Variants in CHL1 observed in about 807,000 individuals in gnomAD.
CHL1 encodes neural cell adhesion molecule L1-like protein.
Under a neutral mutation model 141.9 loss-of-function variants are expected in CHL1, and 96 were observed. The observed-to-expected ratio is 0.68, with a 90% CI of 0.57 to 0.80. CHL1 has a LOEUF of 0.80. Among genes scored for constraint, CHL1 ranks in the 30% least tolerant of loss-of-function variants. CHL1 has a pLI of 0.00. For synonymous variants in CHL1, 613 were observed against 502.2 expected (o/e 1.22, Z -2.95); for missense variants, 1,820 against 1,457.2 (o/e 1.25, Z -4.05).
rs1041559470 is a variant in CHL1, at chr3:407,210, G to A, written c.*1499G>A. 6.6e-6 allele frequency: 1 copy of A among 152,072 alleles called. No homozygotes were observed. The highest frequency in any genetic ancestry group is 2.4e-5 in the African/African-American group (1 of 41,418). 9.4% of individuals were successfully genotyped at this position (152,072 alleles called of 1,614,324 possible). A position where few individuals can be genotyped will look rare whatever the true frequency, so the allele number is the denominator to read the frequency against. On this transcript the variant is annotated 3_prime_UTR_variant, in exon 28 of 28. Transcript: ENST00000256509. Reference sequence around the variant, plus strand: ...CACGAAATACTTAACTACTGTTTAAGTGAATTGACTTATTTCACTTTAGTT... The same window carrying A: ...CACGAAATACTTAACTACTGTTTAAATGAATTGACTTATTTCACTTTAGTT...
intron 2 of CHL1, among the ~76,000 whole-genome samples, chr3:262,469 T>C (rs6801122): frequency 1.5e-4 from 16 of 105,334 alleles, no homozygotes; most frequent in Non-Finnish European, 2.1e-4. Context: ...CGTTTAAGCC[T>C]AGATCTACAC....
intron 5 of CHL1, among the ~76,000 whole-genome samples, chr3:335,298 T>C (rs996537390): frequency 3.3e-5 from 5 of 152,258 alleles, no homozygotes; most frequent in African/African-American, 9.6e-5. Flanking sequence ...TTTACTCTGA[T>C]TCACCAAAGT....
chr3:287,607 G>T (rs185175206), intron 2 of CHL1, among the ~76,000 whole-genome samples: 1 of 151,844 alleles, frequency 6.6e-6, no homozygotes, highest in African/African-American at 2.4e-5. Context: ...AACTCTTTAG[G>T]TAATATTTAC....
intron 2 of CHL1, among the ~76,000 whole-genome samples, chr3:260,263 CAAAT>C (rs58225264): frequency 6.6e-6 from 1 of 151,344 alleles, no homozygotes; most frequent in African/African-American, 2.4e-5. Context: ...AACTCTGTCT[CAAAT>C]AAATAAATAA....
At chr3:209,825 A>G (rs1699753831) in intron 1 of CHL1, among the ~76,000 whole-genome samples, 1 of 152,244 alleles carries the variant, frequency 6.6e-6, no homozygotes, top group Non-Finnish European at 1.5e-5. Flanking sequence ...GCAATGCACT[A>G]ATAATGATCC....
At position 343,107 on chromosome 3, in the gene CHL1, A is replaced by G. The variant is rs1702469299; in HGVS notation, c.727+76A>G. 8.6e-6 allele frequency: 10 copies of G among 1,159,308 alleles called. No homozygotes were observed. In the South Asian group the frequency reaches 1.5e-4, roughly 17 times the overall value. The allele number at this position is 1,159,308 out of a possible 1,614,324, so 71.8% of individuals were successfully genotyped here. On this transcript the variant is annotated intron_variant, in intron 8 of 27. Transcript: ENST00000256509. The stretch of plus-strand genomic sequence containing the variant: ...TCTCAGATTTTGAATTTTTTCTTTA[A>G]TATCCTCTTAAGTTTATTACAATAC...
At position 328,305 on chromosome 3, in the gene CHL1, A is replaced by G; in HGVS notation, c.336A>G (p.Ser112=). Residue 112 remains serine (S), a synonymous_variant, in exon 5 of 28, where the codon TCA becomes TCG. Coordinates refer to ENST00000256509, the MANE Select transcript of CHL1 (RefSeq NM_006614.4). ...AAGGGAAATACCGCTGCTTTGCTTC[A>G]AATAAACTGGGAATCGCTATGTCAG... ...HFQGKYRCFA[S]NKLGIAMSEE... 3 of 1,612,280 alleles carry G rather than the reference A, an allele frequency of 1.9e-6. No individual in the cohort carries two copies. Among genetic ancestry groups the G allele is most frequent in the Non-Finnish European group, 2.5e-6 (3 of 1,178,902 alleles).
chr3:340,642 T>G, intron 5 of CHL1, 152 bp from the exon 6 acceptor site: 1 of 635,358 alleles, frequency 1.6e-6, no homozygotes, highest in South Asian at 2.2e-5. Context: ...TTAATAGTAT[T>G]TAACTCTGAA....
intron 2 of CHL1, among the ~76,000 whole-genome samples, chr3:272,792 A>G (rs1024806069): frequency 2.0e-5 from 3 of 152,220 alleles, no homozygotes; most frequent in African/African-American, 7.2e-5. Context: ...CCTTTTATTC[A>G]TTCAGTCTTT....
At chr3:202,071 A>G (rs760057950) in intron 1 of CHL1, among the ~76,000 whole-genome samples, 15 of 152,194 alleles carry the variant, frequency 9.9e-5, no homozygotes, top group Non-Finnish European at 2.2e-4. Flanking sequence ...AGGGTTCAAA[A>G]TCTAAGTCTG....
intron 6 of CHL1, among the ~76,000 whole-genome samples, chr3:341,199 C>G (rs981835499): frequency 6.6e-6 from 1 of 152,092 alleles, no homozygotes; most frequent in Non-Finnish European, 1.5e-5. Context: ...GCTCTACCTG[C>G]TAATTGCAGT....
At chr3:219,556 G>A (rs879642745) in intron 1 of CHL1, among the ~76,000 whole-genome samples, 3 of 152,162 alleles carry the variant, frequency 2.0e-5, no homozygotes, top group Non-Finnish European at 4.4e-5. Flanking sequence ...GATGGAGCTG[G>A]AGGCTATTAT....
intron 2 of CHL1, among the ~76,000 whole-genome samples, chr3:276,070 G>T (rs9873092): frequency 0.15 from 22,183 of 151,504 alleles, 2,225 homozygotes; most frequent in East Asian, 0.4. Context: ...CTCTAAAGTC[G>T]AAATTATTAT....
At chr3:335,160 G>A (rs1446531300) in intron 5 of CHL1, among the ~76,000 whole-genome samples, 1 of 152,118 alleles carries the variant, frequency 6.6e-6, no homozygotes, top group Admixed American at 6.5e-5. Flanking sequence ...TTTTGGAGGG[G>A]GAGTGTAGGA....
chr3:313,378 C>T (rs1575038605), intron 2 of CHL1, among the ~76,000 whole-genome samples: 1 of 152,166 alleles, frequency 6.6e-6, no homozygotes, highest in East Asian at 1.9e-4. Context: ...CCATGTATCA[C>T]ACTCATCAGA....
chr3:305,096 A>C (rs534232171), intron 2 of CHL1, among the ~76,000 whole-genome samples: 1 of 152,122 alleles, frequency 6.6e-6, no homozygotes, highest in East Asian at 1.9e-4. Flanking sequence ...ATATCTCTAG[A>C]GTTATAATTG....
intron 2 of CHL1, among the ~76,000 whole-genome samples, chr3:273,765 T>A (rs1438964588): frequency 1.3e-5 from 2 of 152,196 alleles, no homozygotes; most frequent in Admixed American, 1.3e-4. Flanking sequence ...CCTTTTAAAT[T>A]AGAGGTGGTA....
intron 2 of CHL1, among the ~76,000 whole-genome samples, chr3:303,736 C>T (rs941833109): frequency 6.6e-6 from 1 of 152,118 alleles, no homozygotes; most frequent in Non-Finnish European, 1.5e-5. Context: ...TGCCTGATTG[C>T]CCTGGCCGGA....
chr3:231,662 C>A (rs1020495364), intron 1 of CHL1, among the ~76,000 whole-genome samples: 1 of 137,968 alleles, frequency 7.2e-6, no homozygotes, highest in East Asian at 2.3e-4. Context: ...ATTGCAACTT[C>A]TGCCTCCTGG....
Sources: gnomAD v4.1 joint callset for allele counts (sites outside exome capture counted in the v4.1 genomes callset) on GRCh38, gnomAD v4.1.1 for gene constraint, MANE v1.5 for transcripts, NCBI Gene and HGNC (gene_info 2026-07-23, HGNC 2026-07-21) for gene names.